COG3: variants seen among roughly 807,000 people sequenced by gnomAD.
COG3 encodes the protein conserved oligomeric Golgi complex subunit 3.
COG3 carries 32 observed loss-of-function variants against 114.1 expected under a neutral mutation model. The observed-to-expected ratio is 0.28, with a 90% CI of 0.21 to 0.38. COG3 has a LOEUF of 0.38. Among genes scored for constraint, COG3 ranks in the 10% least tolerant of loss-of-function variants. The pLI, the probability that COG3 is intolerant of heterozygous loss-of-function variation, is 1.00. For synonymous variants in COG3, 352 were observed against 365.7 expected, an observed-to-expected ratio of 0.96 and a Z score of 0.43; for missense variants, 813 against 973.2, an observed-to-expected ratio of 0.84 and a Z score of 2.19.
chr13:45,521,577 G>GCGCACACACACACACA (rs147991863), intron 19 of COG3, among the ~76,000 whole-genome samples: 4 of 148,378 alleles, frequency 2.7e-5, no homozygotes, highest in African/African-American at 9.9e-5. Flanking sequence ...ATACATACGT[G>GCGCACACACACACACA]CACACACACA....
intron 12 of COG3, chr13:45,494,051 A>G (rs1386630053): frequency 6.6e-6 from 1 of 152,334 alleles, no homozygotes; most frequent in Admixed American, 6.5e-5. Context: ...TAGGCCGGGC[A>G]TGGTGGCTCA....
intron 10 of COG3, among the ~76,000 whole-genome samples, chr13:45,491,749 C>T (rs1215294833): frequency 6.6e-6 from 1 of 152,060 alleles, no homozygotes; most frequent in East Asian, 1.9e-4. Flanking sequence ...TAAGAAGATT[C>T]ACAAATAAAT....
chr13:45,483,029 A>G (rs1404655952), intron 6 of COG3, among the ~76,000 whole-genome samples: 1 of 152,214 alleles, frequency 6.6e-6, no homozygotes, highest in Non-Finnish European at 1.5e-5. Context: ...TGGAGCTCCT[A>G]CTTTGTGCCA....
intron 14 of COG3, among the ~76,000 whole-genome samples, chr13:45,509,470 A>G (rs1436632342): frequency 6.6e-6 from 1 of 152,218 alleles, no homozygotes; most frequent in Non-Finnish European, 1.5e-5. Context: ...GAATGTATGT[A>G]TGTCCATATT....
intron 1 of COG3, among the ~76,000 whole-genome samples, chr13:45,471,378 C>T (rs921103492): frequency 6.6e-6 from 1 of 152,152 alleles, no homozygotes; most frequent in Non-Finnish European, 1.5e-5. Flanking sequence ...GTGATTGCAC[C>T]ATGGCACTTC....
At chr13:45,472,334 C>T (rs1051815984) in intron 1 of COG3, among the ~76,000 whole-genome samples, 5 of 152,020 alleles carry the variant, frequency 3.3e-5, no homozygotes, top group Non-Finnish European at 5.9e-5. Context: ...GCTTGGGATT[C>T]TCTGAATTTC....
At chr13:45,520,971 A>G (rs181910909) in intron 19 of COG3, among the ~76,000 whole-genome samples, 30 of 152,322 alleles carry the variant, frequency 2.0e-4, no homozygotes, top group Non-Finnish European at 1.9e-4. Flanking sequence ...GAAATAAGCA[A>G]GTTGATTATA....
chr13:45,500,439 A>G (rs1362328266), intron 13 of COG3, among the ~76,000 whole-genome samples: 2 of 152,164 alleles, frequency 1.3e-5, no homozygotes, highest in African/African-American at 4.8e-5. Flanking sequence ...CAAAGTGCCA[A>G]TCTGTGTTGT....
In COG3 at chr13:45,511,822, C is replaced by A. The variant is rs1870901221; in HGVS notation, c.1777C>A (p.Leu593Ile). ...ATTGTCTGCCTGCATTCAGTCCTTA[C>A]TTGGAGCGTCAGAGTCTATCAGCAA... is the stretch of plus-strand genomic sequence containing the variant. ...EALSACIQSL[L>I]GASESISKNK... The change falls in exon 16 of 23, where the codon CTT becomes ATT. Residue 593 changes from leucine to isoleucine, a missense_variant. By Grantham distance (5) the Leu-to-Ile change is conservative. Transcript: ENST00000349995. The A allele has an allele frequency of 6.2e-7, 1 of 1,613,904 alleles. No homozygotes were observed. Among genetic ancestry groups the A allele is most frequent in the Non-Finnish European group, 8.5e-7 (1 of 1,179,858 alleles).
At chr13:45,477,156 T>TA (rs1238059256) in intron 2 of COG3, among the ~76,000 whole-genome samples, 1 of 152,216 alleles carries the variant, frequency 6.6e-6, no homozygotes, top group Non-Finnish European at 1.5e-5. Flanking sequence ...ATAATGCATG[T>TA]AAATTCGTTG....
At chr13:45,494,685 C>G (rs1271363929) in intron 12 of COG3, among the ~76,000 whole-genome samples, 1 of 151,756 alleles carries the variant, frequency 6.6e-6, no homozygotes, top group Non-Finnish European at 1.5e-5. Context: ...CCACCATGCC[C>G]AGCTATTTTT....
At position 45,534,978 on chromosome 13, in the gene COG3, C is replaced by A; in HGVS notation, c.*247C>A. 8.2e-7 allele frequency: 1 copy of A among 1,226,666 alleles called. No individual in the cohort carries two copies. The highest frequency in any genetic ancestry group is 1.0e-6 in the Non-Finnish European group (1 of 985,246). The allele number at this position is 1,226,666 out of a possible 1,614,324, so 76.0% of individuals were successfully genotyped here. ...GTGATAACTGCCTCGTTTAAATGGT[C>A]ACAAGAAATGTGAAGAGAGAGCTAG... On this transcript the variant is annotated 3_prime_UTR_variant, in exon 23 of 23. Transcript: ENST00000349995.
intron 20 of COG3, among the ~76,000 whole-genome samples, chr13:45,528,739 C>T (rs889144367): frequency 2.0e-5 from 3 of 152,140 alleles, no homozygotes; most frequent in African/African-American, 7.2e-5. Context: ...CAACTTGATC[C>T]ATTCTATTTA....
chr13:45,474,262 A>G (rs1885715081), intron 1 of COG3, among the ~76,000 whole-genome samples: 3 of 139,762 alleles, frequency 2.1e-5, no homozygotes, highest in South Asian at 2.2e-4. Flanking sequence ...GGTTCATGCC[A>G]TTCTCCTGCC....
rs1224815728 is a variant in COG3 at position 45,490,912 on chromosome 13, C to T, written c.925-3C>T. 2 of 1,572,186 alleles carry T rather than the reference C, an allele frequency of 1.3e-6. No individual in the cohort carries two copies. Among genetic ancestry groups the T allele is most frequent in the Admixed American group, 1.8e-5 (1 of 56,604 alleles). On this transcript the variant is annotated splice_polypyrimidine_tract_variant and splice_region_variant and intron_variant, in intron 8 of 22. Transcript: ENST00000349995. ...TTTTGATGCATTTTTTCTTACTTTG[C>T]AGACTCTTATTGAACAAATAGAACT...
At chr13:45,491,698 A>G (rs904513963) in intron 10 of COG3, among the ~76,000 whole-genome samples, 160 bp downstream of exon 10, 1 of 152,176 alleles carries the variant, frequency 6.6e-6, no homozygotes, top group African/African-American at 2.4e-5. Flanking sequence ...AGCCTTATTC[A>G]CCTTTGCAAA....
At chr13:45,498,356 C>CTTTTT (rs61289410) in intron 13 of COG3, among the ~76,000 whole-genome samples, 8 of 117,680 alleles carry the variant, frequency 6.8e-5, no homozygotes, top group Non-Finnish European at 1.2e-4. Context: ...CTTCAGATGT[C>CTTTTT]TTTTTTTTTT....
At chr13:45,513,285 CATATAAATT>C (rs1871123128) in intron 16 of COG3, among the ~76,000 whole-genome samples, 6 of 121,156 alleles carry the variant, frequency 5.0e-5, no homozygotes, top group African/African-American at 2.0e-4. Context: ...ATAATATATA[CATATAAATT>C]ATACATATAA....
chr13:45,526,076 A>ATTTT (rs386379016), intron 20 of COG3, among the ~76,000 whole-genome samples: 11,820 of 56,164 alleles, frequency 0.21, 3,206 homozygotes, highest in South Asian at 0.34. Context: ...CAAAATTTTA[A>ATTTT]TTTTTTTTTT....
Sources: gnomAD v4.1 joint callset for allele counts (sites outside exome capture counted in the v4.1 genomes callset) on GRCh38, gnomAD v4.1.1 for gene constraint, MANE v1.5 for transcripts, NCBI Gene and HGNC (gene_info 2026-07-23, HGNC 2026-07-21) for gene names.